The following LRRC37A variants were observed in gnomAD, a reference collection of about 807,000 sequenced individuals.
LRRC37A encodes the protein leucine-rich repeat-containing protein 37A.
Under a neutral mutation model 35.4 loss-of-function variants are expected in LRRC37A, and 3 were observed. That is an observed-to-expected ratio of 0.08 (90% CI 0.04 to 0.22). LRRC37A has a LOEUF of 0.22. LRRC37A is among the 10% of genes least tolerant of loss of function. LRRC37A has a pLI of 1.00. For missense variants in LRRC37A, 67 were observed against 565.3 expected, an observed-to-expected ratio of 0.12 and a Z score of 8.94; for synonymous variants, 23 against 215.0, an observed-to-expected ratio of 0.11 and a Z score of 7.81.
chr17:46,267,454 C>G, the LRRC37A span: 1 of 1,613,094 alleles, frequency 6.2e-7, no homozygotes, highest in Non-Finnish European at 8.5e-7. Context: ...TCTTCTTCTT[C>G]CGAGTCCACA....
the LRRC37A span, among the ~76,000 whole-genome samples, chr17:46,263,539 A>G: frequency 5.7e-4 from 76 of 132,648 alleles, no homozygotes; most frequent in African/African-American, 2.1e-3. Flanking sequence ...TGACAAAGCC[A>G]GACTCTGTCT....
At chr17:46,277,637 T>TTTTCTTTTCTTTTCTTTCTTTC in the LRRC37A span, among the ~76,000 whole-genome samples, 1 of 150,258 alleles carries the variant, frequency 6.7e-6, no homozygotes, top group Non-Finnish European at 1.5e-5. Flanking sequence ...TTTTCTTTTC[T>TTTTCTTTTCTTTTCTTTCTTTC]TTTCTTTCTT....
At chr17:46,269,324 C>T in the LRRC37A span, among the ~76,000 whole-genome samples, 6 of 152,002 alleles carry the variant, frequency 3.9e-5, no homozygotes, top group African/African-American at 1.5e-4. Context: ...ACCTGAGGTC[C>T]GGAGTTCGAG....
At chr17:46,251,177 G>A in the LRRC37A span, among the ~76,000 whole-genome samples, 9 of 152,144 alleles carry the variant, frequency 5.9e-5, no homozygotes, top group South Asian at 2.1e-4. Context: ...CCTTAGTCCC[G>A]TGGTTCTCAA....
At chr17:46,291,891 G>C (rs984131081), upstream of LRRC37A, among the ~76,000 whole-genome samples, 2 of 151,668 alleles carry the variant, frequency 1.3e-5, no homozygotes, top group Non-Finnish European at 2.9e-5. Flanking sequence ...ATCTGGGTAG[G>C]GGGAGGCTGC....
chr17:46,327,523 G>C lies in LRRC37A; in HGVS notation c.3054-869G>C, dbSNP rs1446866017. 1.3e-3 allele frequency among the ~76,000 whole-genome samples: 23 copies of C among 17,512 alleles called. 6 individuals carry two copies. Among genetic ancestry groups the C allele is most frequent in the African/African-American group, 2.2e-3 (22 of 10,164 alleles). The allele number at this position is 17,512 out of a possible 152,430, so 11.5% of individuals were successfully genotyped here. A position where few individuals can be genotyped will look rare whatever the true frequency, so the allele number is the denominator to read the frequency against. The stretch of plus-strand genomic sequence containing the variant: ...TTGGAGGATCCCTTGAGCCCAGGGG[G>C]GTTGAGGCTGCATTGAGGTATAATT... On this transcript the variant is annotated intron_variant, in intron 7 of 13. Transcript: ENST00000320254.
chr17:46,267,176 G>GC, the LRRC37A span: 1 of 572,708 alleles, frequency 1.7e-6, no homozygotes, highest in Non-Finnish European at 3.0e-6. Flanking sequence ...CCGCGCCGCC[G>GC]CCCCGCGAGC....
the LRRC37A span, chr17:46,267,172 C>T: frequency 5.3e-6 from 3 of 571,294 alleles, no homozygotes; most frequent in Non-Finnish European, 8.9e-6. Flanking sequence ...GCCGCCGCGC[C>T]GCCGCCCCGC....
At position 46,332,524 on chromosome 17, in the gene LRRC37A, GTTTTTTTTTGTGTGT is replaced by G; in HGVS notation, c.4705-18_4705-4del. The G allele has an allele frequency of 7.3e-7, 1 of 1,370,852 alleles. No individual in the cohort carries two copies. Among genetic ancestry groups the G allele is most frequent in the East Asian group, 3.2e-5 (1 of 31,654 alleles). 84.9% of individuals were successfully genotyped at this position (1,370,852 alleles called of 1,614,324 possible). A position where few individuals can be genotyped will look rare whatever the true frequency, so the allele number is the denominator to read the frequency against. ...TTTTGAATAGTTAGCTCTCATTCTG[GTTTTTTTTTGTGTGT>G]TTTTTTTTTTAGCTCAAAAAAGAAG... On this transcript the variant is annotated splice_polypyrimidine_tract_variant and intron_variant, in intron 9 of 13. Coordinates refer to ENST00000320254, the Ensembl canonical transcript of LRRC37A.
chr17:46,249,475 T>C, the LRRC37A span, among the ~76,000 whole-genome samples: 1 of 152,210 alleles, frequency 6.6e-6, no homozygotes, highest in Non-Finnish European at 1.5e-5. Flanking sequence ...TTGAAATTCT[T>C]GATAAATCTT....
At chr17:46,261,724 A>T in the LRRC37A span, among the ~76,000 whole-genome samples, 19,498 of 151,068 alleles carry the variant, frequency 0.13, 9 homozygotes, top group Middle Eastern at 0.2. Flanking sequence ...TATTTGTAAT[A>T]TTTTAACCAC....
At chr17:46,272,773 A>C in the LRRC37A span, among the ~76,000 whole-genome samples, 1 of 152,262 alleles carries the variant, frequency 6.6e-6, no homozygotes, top group Non-Finnish European at 1.5e-5. Context: ...TAGTTGATAA[A>C]ACTATAAAAT....
the LRRC37A span, among the ~76,000 whole-genome samples, chr17:46,270,432 C>T: frequency 6.6e-6 from 1 of 152,130 alleles, no homozygotes; most frequent in Non-Finnish European, 1.5e-5. Flanking sequence ...AGAGTATTTT[C>T]CAAAAATGAG....
At chr17:46,263,250 A>G in the LRRC37A span, among the ~76,000 whole-genome samples, 3 of 152,248 alleles carry the variant, frequency 2.0e-5, no homozygotes, top group Admixed American at 2.0e-4. Flanking sequence ...AAATAATTGT[A>G]GAGACAGAAG....
the LRRC37A span, among the ~76,000 whole-genome samples, chr17:46,253,708 A>AGCTTCCGCTCG: frequency 7.2e-6 from 1 of 138,476 alleles, no homozygotes; most frequent in Non-Finnish European, 1.6e-5. Flanking sequence ...AGTACAGTCC[A>AGCTTCCGCTCG]GCATCAGAGG....
At chr17:46,254,707 A>ATT in the LRRC37A span, among the ~76,000 whole-genome samples, 90 of 144,268 alleles carry the variant, frequency 6.2e-4, no homozygotes, top group African/African-American at 1.7e-3. Flanking sequence ...GCGCCTGGCA[A>ATT]TTTTTTTTTT....
chr17:46,253,636 G>C, the LRRC37A span, among the ~76,000 whole-genome samples: 1 of 152,018 alleles, frequency 6.6e-6, no homozygotes, highest in South Asian at 2.1e-4. Context: ...GCAATCGCAG[G>C]CACTTGGTAG....
chr17:46,253,779 A>C, the LRRC37A span, among the ~76,000 whole-genome samples: 6 of 133,554 alleles, frequency 4.5e-5, no homozygotes, highest in Non-Finnish European at 6.4e-5. Context: ...GGGGGAGGGG[A>C]GGGGGAGAGG....
At chr17:46,266,312 C>T in the LRRC37A span, among the ~76,000 whole-genome samples, 2 of 152,308 alleles carry the variant, frequency 1.3e-5, no homozygotes, top group East Asian at 3.9e-4. Context: ...CTCTGCTGCC[C>T]CCACCGCAGC....
Sources: allele counts gnomAD v4.1 joint callset (sites outside exome capture counted in the v4.1 genomes callset), GRCh38; gene constraint gnomAD v4.1.1; transcripts MANE v1.5; gene names NCBI Gene and HGNC (gene_info 2026-07-23, HGNC 2026-07-21).